PTPRN2: variants seen among roughly 807,000 people sequenced by gnomAD.
PTPRN2 encodes protein tyrosine phosphatase receptor type N2, also known as receptor-type tyrosine-protein phosphatase N2.
Under a neutral mutation model 118.8 loss-of-function variants are expected in PTPRN2, and 74 were observed. The observed-to-expected ratio is 0.62, with a 90% CI of 0.52 to 0.76. PTPRN2 has a LOEUF of 0.76. Ranked by LOEUF, PTPRN2 falls within the 30% of genes least tolerant of loss-of-function variation. The probability of loss-of-function intolerance (pLI) is 0.00; values close to 1 mark genes in which losing one functional copy is unlikely to be tolerated. For synonymous variants in PTPRN2, 641 were observed against 608.0 expected (o/e 1.05, Z -0.80); for missense variants, 1,481 against 1,394.4 (o/e 1.06, Z -0.99).
chr7:157,978,920 C>G (rs1012201246), intron 11 of PTPRN2, among the ~76,000 whole-genome samples: 7 of 152,062 alleles, frequency 4.6e-5, no homozygotes, highest in African/African-American at 1.7e-4. Flanking sequence ...TGGCGACTCA[C>G]AAGGCTGGAT....
intron 2 of PTPRN2, among the ~76,000 whole-genome samples, chr7:158,322,272 T>G (rs1223132784): frequency 2.6e-5 from 4 of 152,142 alleles, no homozygotes; most frequent in Non-Finnish European, 5.9e-5. Flanking sequence ...GGCTCCATGC[T>G]CCAGAGCTTC....
At chr7:157,679,237 A>T (rs1220702864) in intron 13 of PTPRN2, among the ~76,000 whole-genome samples, 2 of 152,240 alleles carry the variant, frequency 1.3e-5, no homozygotes, top group Non-Finnish European at 2.9e-5. Context: ...ATCTATTTAG[A>T]AGAAAAAACA....
chr7:158,381,113 A>G (rs1378415017), intron 2 of PTPRN2, among the ~76,000 whole-genome samples: 1 of 152,240 alleles, frequency 6.6e-6, no homozygotes, highest in Non-Finnish European at 1.5e-5. Flanking sequence ...GACCTCTGAC[A>G]TGCCCTGGAG....
intron 2 of PTPRN2, among the ~76,000 whole-genome samples, chr7:158,475,969 C>G (rs1216993165): frequency 6.6e-6 from 1 of 152,208 alleles, no homozygotes; most frequent in Admixed American, 6.5e-5. Context: ...GCTCGGAAAC[C>G]TGCATATCAT....
intron 12 of PTPRN2, among the ~76,000 whole-genome samples, chr7:157,694,469 G>T (rs938156175): frequency 1.3e-5 from 2 of 152,152 alleles, no homozygotes; most frequent in Non-Finnish European, 2.9e-5. Context: ...TGCAGAACTG[G>T]CCTCGCCAAA....
chr7:158,554,877 G>T (rs554766339), intron 1 of PTPRN2, among the ~76,000 whole-genome samples: 1 of 152,232 alleles, frequency 6.6e-6, no homozygotes, highest in Admixed American at 6.5e-5. Context: ...TATATGATGG[G>T]GTTTTCGCTC....
Position 157,692,507 on chromosome 7 carries a change from A to T in PTPRN2, c.1789-9570T>A, listed in dbSNP as rs570905241. Among the ~76,000 whole-genome samples the T allele has an allele frequency of 6.1e-4, 93 of 152,296 alleles. 1 individual carries two copies. Among genetic ancestry groups the T allele is most frequent in the Middle Eastern group, 3.4e-3 (1 of 294 alleles). ...ATATGAGTACGGTGCCGTCCGCTGC[A>T]GGCCCCTGTCTAAAAGTGGCCGAAG... On this transcript the variant is annotated intron_variant, in intron 12 of 22. Transcript: ENST00000389418.
rs373332624 is a variant in PTPRN2, at chr7:157,679,714, GC to G, written c.2001+3010del. ...CTGACTCACACACACAGGGGTCGGG[GC>G]TGGGGGGTTCTGTACAAGCACTAAT... On this transcript the variant is annotated intron_variant, in intron 13 of 22. Coordinates refer to ENST00000389418, the MANE Select transcript of PTPRN2 (RefSeq NM_002847.5). 1.8e-4 allele frequency among the ~76,000 whole-genome samples: 27 copies of G among 150,744 alleles called. 1 individual carries two copies. The East Asian group carries it at 5.2e-3, about 29-fold the overall frequency.
At chr7:158,142,199 C>T (rs1368185916) in intron 6 of PTPRN2, among the ~76,000 whole-genome samples, 1 of 152,234 alleles carries the variant, frequency 6.6e-6, no homozygotes, top group Non-Finnish European at 1.5e-5. Flanking sequence ...ACCCTGCGAT[C>T]CGGAGCCCAC....
At chr7:158,119,545 C>T (rs1816984518) in intron 9 of PTPRN2, among the ~76,000 whole-genome samples, 1 of 151,844 alleles carries the variant, frequency 6.6e-6, no homozygotes, top group Non-Finnish European at 1.5e-5. Flanking sequence ...CAGTAGTCCC[C>T]CATTAGCTGC....
At chr7:158,204,281 G>A (rs766657116) in intron 4 of PTPRN2, among the ~76,000 whole-genome samples, 1 of 151,366 alleles carries the variant, frequency 6.6e-6, no homozygotes, top group Non-Finnish European at 1.5e-5. Flanking sequence ...TGTGCGCCGC[G>A]TTCTGAGGAA....
intron 5 of PTPRN2, among the ~76,000 whole-genome samples, chr7:158,181,381 A>G (rs1256026678): frequency 6.6e-6 from 1 of 151,940 alleles, no homozygotes; most frequent in Non-Finnish European, 1.5e-5. Flanking sequence ...TTCATCAGGG[A>G]TATTGGTCTA....
chr7:157,750,410 A>G (rs1741257155), intron 12 of PTPRN2, among the ~76,000 whole-genome samples: 1 of 152,148 alleles, frequency 6.6e-6, no homozygotes, highest in African/African-American at 2.4e-5. Flanking sequence ...CTGCACAGGA[A>G]TGTCCCAGCC....
At chr7:157,994,964 G>A (rs1300299626) in intron 11 of PTPRN2, among the ~76,000 whole-genome samples, 4 of 31,626 alleles carry the variant, frequency 1.3e-4, no homozygotes, top group Admixed American at 8.9e-4. Flanking sequence ...AATCAACGCC[G>A]TGTCCCCAGC....
intron 10 of PTPRN2, among the ~76,000 whole-genome samples, chr7:158,089,540 A>G (rs368753896): frequency 1.6e-4 from 22 of 136,028 alleles, no homozygotes; most frequent in African/African-American, 5.7e-4. Flanking sequence ...CCCTGATGAA[A>G]GAGGGAGTCT....
chr7:158,430,459 G>A (rs541744937), intron 2 of PTPRN2, among the ~76,000 whole-genome samples: 1 of 152,334 alleles, frequency 6.6e-6, no homozygotes, highest in East Asian at 1.9e-4. Flanking sequence ...GTGGACCCTG[G>A]GCATGTTCCC....
intron 11 of PTPRN2, among the ~76,000 whole-genome samples, chr7:157,949,561 G>A (rs751739150): frequency 2.2e-4 from 33 of 152,198 alleles, no homozygotes; most frequent in Admixed American, 3.3e-4. Flanking sequence ...AGACACTGGC[G>A]GCTGAGTCAA....
intron 12 of PTPRN2, among the ~76,000 whole-genome samples, chr7:157,693,289 C>T (rs1797607117): frequency 6.6e-6 from 1 of 152,062 alleles, no homozygotes; most frequent in Non-Finnish European, 1.5e-5. Flanking sequence ...CGTGGTGTTC[C>T]CGGGACTCCC....
At chr7:158,260,318 G>A (rs952888721) in intron 3 of PTPRN2, among the ~76,000 whole-genome samples, 1 of 152,162 alleles carries the variant, frequency 6.6e-6, no homozygotes, top group African/African-American at 2.4e-5. Context: ...ATCAGTGCCT[G>A]CAAAAACACC....
Sources: allele counts gnomAD v4.1 joint callset (sites outside exome capture counted in the v4.1 genomes callset), GRCh38; gene constraint gnomAD v4.1.1; transcripts MANE v1.5; gene names NCBI Gene and HGNC (gene_info 2026-07-23, HGNC 2026-07-21).